The following ERC1 variants were observed in gnomAD, a reference collection of about 807,000 sequenced individuals.
ERC1 encodes the protein ELKS/RAB6-interacting/CAST family member 1.
A neutral mutation model predicts 132.0 loss-of-function variants in ERC1; 56 were observed. That is an observed-to-expected ratio of 0.42 (90% CI 0.34 to 0.53). The LOEUF is 0.53. Among genes scored for constraint, ERC1 ranks in the 20% least tolerant of loss-of-function variants. The pLI is 0.03. For synonymous variants in ERC1, 478 were observed against 476.1 expected (o/e 1.00, Z -0.05); for missense variants, 1,202 against 1,349.9 (o/e 0.89, Z 1.72).
At chr12:994,066 CAAAAAAAAAAAAAA>C (rs72073964) in intron 1 of ERC1, among the ~76,000 whole-genome samples, 6 of 64,264 alleles carry the variant, frequency 9.3e-5, no homozygotes, top group African/African-American at 2.0e-4. Flanking sequence ...AACTCCGTCT[CAAAAAAAAAAAAAA>C]AAAAAAAAAA....
At chr12:1,152,574 G>C (rs1391952418) in intron 8 of ERC1, 2 of 152,762 alleles carry the variant, frequency 1.3e-5, no homozygotes, top group Non-Finnish European at 2.9e-5. Flanking sequence ...AAATGTAGAA[G>C]GTCTTACATG....
intron 12 of ERC1, among the ~76,000 whole-genome samples, chr12:1,203,054 G>C (rs916556950): frequency 6.6e-6 from 1 of 152,138 alleles, no homozygotes; most frequent in Non-Finnish European, 1.5e-5. Flanking sequence ...GATGTCAGCA[G>C]ACCTACATTC....
chr12:1,107,720 G>C (rs1308859507), intron 4 of ERC1, among the ~76,000 whole-genome samples: 2 of 152,192 alleles, frequency 1.3e-5, no homozygotes, highest in Non-Finnish European at 2.9e-5. Flanking sequence ...GAAGTCCCTG[G>C]ATGGCAGCAA....
At chr12:1,476,762 G>C (rs1362583095) in intron 18 of ERC1, among the ~76,000 whole-genome samples, 1 of 151,966 alleles carries the variant, frequency 6.6e-6, no homozygotes, top group Non-Finnish European at 1.5e-5. Context: ...CTTTGACTCG[G>C]GAATTTTAAG....
At chr12:1,332,212 T>C (rs2082917901) in intron 15 of ERC1, among the ~76,000 whole-genome samples, 1 of 152,204 alleles carries the variant, frequency 6.6e-6, no homozygotes, top group Admixed American at 6.5e-5. Flanking sequence ...TTTTGAATTT[T>C]TTTATTTTGC....
At chr12:1,213,440 G>A (rs1958062358) in intron 12 of ERC1, among the ~76,000 whole-genome samples, 1 of 151,986 alleles carries the variant, frequency 6.6e-6, no homozygotes, top group South Asian at 2.1e-4. Context: ...TGCTTTCAGA[G>A]GAGTTGAGTT....
chr12:1,204,215 GT>G lies in ERC1; in HGVS notation c.2351+14173del, dbSNP rs1555304509. On this transcript the variant is annotated intron_variant, in intron 12 of 18. Coordinates refer to ENST00000360905, the MANE Select transcript of ERC1 (RefSeq NM_178040.4). ...TATTTTTCTTAGTGTTTAAGAAATT[GT>G]TTTTTTTTTCCTGCCCCAGGAAATG... is the stretch of plus-strand genomic sequence containing the variant. 1.4e-3 allele frequency: 427 copies of G among 297,994 alleles called. 1 individual carries two copies. Among genetic ancestry groups the G allele is most frequent in the Middle Eastern group, 2.9e-3 (3 of 1,048 alleles). 18.5% of individuals were successfully genotyped at this position (297,994 alleles called of 1,614,324 possible).
intron 9 of ERC1, among the ~76,000 whole-genome samples, chr12:1,181,569 C>G (rs1043127800): frequency 6.6e-6 from 1 of 151,932 alleles, no homozygotes; most frequent in African/African-American, 2.4e-5. Flanking sequence ...GAGGCCGAGG[C>G]GGGTGGATCA....
intron 8 of ERC1, among the ~76,000 whole-genome samples, chr12:1,162,250 A>T (rs1035427963): frequency 3.9e-5 from 6 of 152,232 alleles, no homozygotes; most frequent in Admixed American, 3.9e-4. Flanking sequence ...GTTCTGTGTT[A>T]CAGTAAATTT....
At chr12:1,299,652 C>T (rs955585623) in intron 15 of ERC1, among the ~76,000 whole-genome samples, 1 of 151,960 alleles carries the variant, frequency 6.6e-6, no homozygotes, top group Non-Finnish European at 1.5e-5. Context: ...TAACAGAAAT[C>T]AAACACATAG....
chr12:1,488,209 G>C (rs1384478869), intron 18 of ERC1, among the ~76,000 whole-genome samples: 1 of 151,018 alleles, frequency 6.6e-6, no homozygotes, highest in East Asian at 1.9e-4. Context: ...TCAAACTCCT[G>C]GGCTCAAGCG....
At chr12:1,380,869 G>T (rs1179431876) in intron 16 of ERC1, 1 of 152,228 alleles carries the variant, frequency 6.6e-6, no homozygotes, top group Non-Finnish European at 1.5e-5. Flanking sequence ...CTCCTGAGTT[G>T]TTAGTGAATA....
At chr12:1,366,435 G>A (rs888124242) in intron 15 of ERC1, among the ~76,000 whole-genome samples, 4 of 152,196 alleles carry the variant, frequency 2.6e-5, no homozygotes, top group Admixed American at 1.3e-4. Flanking sequence ...AGAGAAATTA[G>A]CAGTTAAGTG....
At chr12:1,361,517 CT>C (rs2086121473) in intron 15 of ERC1, among the ~76,000 whole-genome samples, 1 of 152,070 alleles carries the variant, frequency 6.6e-6, no homozygotes, top group African/African-American at 2.4e-5. Flanking sequence ...TGGGTGCCAC[CT>C]TCATAAGGGA....
intron 18 of ERC1, among the ~76,000 whole-genome samples, chr12:1,466,090 C>T (rs2093737206): frequency 1.3e-5 from 2 of 152,190 alleles, no homozygotes; most frequent in Admixed American, 1.3e-4. Flanking sequence ...TATTACCTTG[C>T]TCGGGACACC....
intron 1 of ERC1, chr12:998,560 G>A (rs1961439986): frequency 6.6e-6 from 1 of 152,184 alleles, no homozygotes; most frequent in Non-Finnish European, 1.5e-5. Flanking sequence ...TTCAAAAGAG[G>A]ACAGATATTA....
chr12:1,200,913 A>G (rs1437022938), intron 12 of ERC1, among the ~76,000 whole-genome samples: 1 of 152,190 alleles, frequency 6.6e-6, no homozygotes, highest in Non-Finnish European at 1.5e-5. Flanking sequence ...GGAGTTAAAA[A>G]GAGAGATTCA....
At chr12:1,288,869 T>C (rs2154339567) in intron 14 of ERC1, among the ~76,000 whole-genome samples, 1 of 152,306 alleles carries the variant, frequency 6.6e-6, no homozygotes, top group South Asian at 2.1e-4. Flanking sequence ...CAAGTTTATT[T>C]AAATAATTCT....
At chr12:1,269,541 A>C (rs910840496) in intron 14 of ERC1, among the ~76,000 whole-genome samples, 4 of 152,182 alleles carry the variant, frequency 2.6e-5, no homozygotes, top group African/African-American at 9.7e-5. Flanking sequence ...AAAGAGTTTT[A>C]AAGAGGGCGT....
Sources: gnomAD v4.1 joint callset for allele counts (sites outside exome capture counted in the v4.1 genomes callset) on GRCh38, gnomAD v4.1.1 for gene constraint, MANE v1.5 for transcripts, NCBI Gene and HGNC (gene_info 2026-07-23, HGNC 2026-07-21) for gene names.